The following PCDHA1 variants were observed in gnomAD, a reference collection of about 807,000 sequenced individuals.
PCDHA1 encodes the protein protocadherin alpha-1.
Under a neutral mutation model 61.3 loss-of-function variants are expected in PCDHA1, and 42 were observed. That is an observed-to-expected ratio of 0.69 (90% CI 0.54 to 0.89). The LOEUF (loss-of-function observed/expected upper bound fraction) is 0.89. Among genes scored for constraint, PCDHA1 ranks in the 40% least tolerant of loss-of-function variants. PCDHA1 has a pLI of 0.00. For synonymous variants in PCDHA1, 610 were observed against 553.8 expected, an observed-to-expected ratio of 1.10 and a Z score of -1.43; for missense variants, 1,256 against 1,235.3, an observed-to-expected ratio of 1.02 and a Z score of -0.25.
rs193096250 is a variant in PCDHA1 at position 140,998,611 on chromosome 5, C to A, written c.2543-11016C>A. Among the ~76,000 whole-genome samples, 28 of 151,482 alleles carry A rather than the reference C, an allele frequency of 1.8e-4. No individual in the cohort carries two copies. The East Asian group carries it at 5.2e-3, about 28-fold the overall frequency. ...CAGAGTTTTGCTCTTGTTGCCCAGG[C>A]TGGAGTGCAATGGCACAATCTCAGC... On this transcript the variant is annotated intron_variant, in intron 3 of 3. Transcript: ENST00000504120.
At chr5:140,896,871 TTTATGGG>T (rs1349052738) in intron 1 of PCDHA1, among the ~76,000 whole-genome samples, 1 of 152,200 alleles carries the variant, frequency 6.6e-6, no homozygotes, top group Non-Finnish European at 1.5e-5. Flanking sequence ...AGTGTACATA[TTTATGGG>T]GTATATGAGA....
chr5:140,796,034 T>A (rs1421469626), intron 1 of PCDHA1: 2 of 1,614,206 alleles, frequency 1.2e-6, no homozygotes, highest in Admixed American at 3.3e-5. Flanking sequence ...TCTCTCTCAC[T>A]TCCCATCTCA....
rs1554121948 is a variant in PCDHA1 at position 140,802,203 on chromosome 5, G to A, written c.2394+13519G>A. 2 of 1,614,220 alleles carry A rather than the reference G, an allele frequency of 1.2e-6. No individual in the cohort carries two copies. Among genetic ancestry groups the A allele is most frequent in the Admixed American group, 3.3e-5 (2 of 60,030 alleles). On this transcript the variant is annotated intron_variant, in intron 1 of 3. Transcript: ENST00000504120. ...TCCCCCAATGTCAGATCACTGCACAGTTCTACTCGAAATTGTGGACATCAA... is the reference window on the plus strand; with the variant it reads ...TCCCCCAATGTCAGATCACTGCACAATTCTACTCGAAATTGTGGACATCAA...
intron 1 of PCDHA1, chr5:140,795,519 T>C (rs1374053518): frequency 3.7e-6 from 6 of 1,614,144 alleles, no homozygotes; most frequent in Non-Finnish European, 5.1e-6. Flanking sequence ...TACAGGCAAA[T>C]GATGAACTAA....
chr5:140,863,653 T>C (rs2048107718), intron 1 of PCDHA1: 1 of 297,060 alleles, frequency 3.4e-6, no homozygotes, highest in Admixed American at 4.5e-5. Flanking sequence ...ATTAATTTGA[T>C]TGCTTTATTT....
intron 1 of PCDHA1, chr5:140,830,082 C>G: frequency 6.2e-7 from 1 of 1,613,566 alleles, no homozygotes; most frequent in Non-Finnish European, 8.5e-7. Context: ...GCGACGGCCA[C>G]GGTTCTGGTG....
chr5:140,969,198 C>T lies in PCDHA1; in HGVS notation c.2395-9751C>T, dbSNP rs2096305688. ...AGTGACACTTTCATGTTTTACAATA[C>T]AGGGGCCCAGACAGGACCAGGGCCT... On this transcript the variant is annotated intron_variant, in intron 1 of 3. Coordinates refer to ENST00000504120, the MANE Select transcript of PCDHA1 (RefSeq NM_018900.4). 1 of 1,614,166 alleles carries T rather than the reference C, an allele frequency of 6.2e-7. No individual in the cohort carries two copies. Among genetic ancestry groups the T allele is most frequent in the Non-Finnish European group, 8.5e-7 (1 of 1,180,032 alleles).
chr5:140,985,111 G>A (rs1252708098), intron 3 of PCDHA1, among the ~76,000 whole-genome samples: 2 of 151,892 alleles, frequency 1.3e-5, no homozygotes, highest in African/African-American at 2.4e-5. Context: ...CTAATTTTTT[G>A]TGTTTTTAGT....
At position 140,876,499 on chromosome 5, in the gene PCDHA1, G is replaced by A. The variant is rs781995151; in HGVS notation, c.2394+87815G>A. ...CATGGTCCTGGTGGAAGTTCTGGAC[G>A]TGAATGACAATGTCCCTGAAGTAAT... On this transcript the variant is annotated intron_variant, in intron 1 of 3. Transcript: ENST00000504120. 5.0e-6 allele frequency: 8 copies of A among 1,613,910 alleles called. No homozygotes were observed. The Admixed American group carries it at 1.0e-4, about 20-fold the overall frequency.
intron 1 of PCDHA1, chr5:140,852,931 T>C: frequency 1.6e-6 from 1 of 623,668 alleles, no homozygotes; most frequent in Non-Finnish European, 2.1e-6. Context: ...CAGGCTGGAG[T>C]GCAGTGGTGC....
chr5:140,808,462 G>T, intron 1 of PCDHA1: 1 of 1,614,200 alleles, frequency 6.2e-7, no homozygotes, highest in Non-Finnish European at 8.5e-7. Flanking sequence ...AGCTGGTGGT[G>T]ACCGCGCGAG....
At chr5:140,877,443 C>A (rs376417721) in intron 1 of PCDHA1, 2 of 1,613,726 alleles carry the variant, frequency 1.2e-6, no homozygotes, top group African/African-American at 2.7e-5. Flanking sequence ...ACGGTGAGCC[C>A]GCGCTGACGT....
chr5:141,009,868 G>C lies in PCDHA1; in HGVS notation c.2784G>C (p.Lys928Asn). 1 of 1,614,022 alleles carries C rather than the reference G, an allele frequency of 6.2e-7. No individual in the cohort carries two copies. Among genetic ancestry groups the C allele is most frequent in the Non-Finnish European group, 8.5e-7 (1 of 1,180,004 alleles). Residue 928 changes from lysine (K) to asparagine (N), a missense_variant, in exon 4 of 4, where the codon AAG becomes AAC. Transcript: ENST00000504120. ...AGGAGACCAAGAAAAAGAAGAAAAA[G>C]AAGAAGGGTAACAAGACCCAGGAGA... ...KKEETKKKKKKKKGNKTQEKK... is the reference protein window; with the variant it reads ...KKEETKKKKKNKKGNKTQEKK...
intron 1 of PCDHA1, chr5:140,882,210 CAGTTTG>C (rs1332497676): frequency 6.5e-7 from 1 of 1,533,604 alleles, no homozygotes; most frequent in African/African-American, 1.4e-5. Flanking sequence ...CCTTGAGAGA[CAGTTTG>C]AGGTAAGGCG....
chr5:140,958,089 C>A (rs2095409002), intron 1 of PCDHA1, among the ~76,000 whole-genome samples: 1 of 151,872 alleles, frequency 6.6e-6, no homozygotes, highest in African/African-American at 2.4e-5. Context: ...TAAAGTTGTA[C>A]AATAGTGTGT....
intron 1 of PCDHA1, among the ~76,000 whole-genome samples, chr5:140,846,624 T>G (rs1554141412): frequency 6.7e-6 from 1 of 149,082 alleles, no homozygotes; most frequent in Non-Finnish European, 1.5e-5. Flanking sequence ...TCCGCCCACT[T>G]CGGCCTCCTA....
chr5:140,928,572 C>T, intron 1 of PCDHA1: 1 of 1,614,200 alleles, frequency 6.2e-7, no homozygotes, highest in Non-Finnish European at 8.5e-7. Flanking sequence ...TTCCCTTGCC[C>T]AGAAATGGTT....
chr5:140,835,159 C>A, intron 1 of PCDHA1: 1 of 1,456,016 alleles, frequency 6.9e-7, no homozygotes, highest in Non-Finnish European at 9.3e-7. Flanking sequence ...TCTATCGGAA[C>A]GCTGGTGATT....
At chr5:140,872,131 A>G (rs2053496652) in intron 1 of PCDHA1, among the ~76,000 whole-genome samples, 1 of 152,148 alleles carries the variant, frequency 6.6e-6, no homozygotes, top group African/African-American at 2.4e-5. Context: ...TATCAAAGCT[A>G]GAATACTCCA....
Sources: allele counts gnomAD v4.1 joint callset (sites outside exome capture counted in the v4.1 genomes callset), GRCh38; gene constraint gnomAD v4.1.1; transcripts MANE v1.5; gene names NCBI Gene and HGNC (gene_info 2026-07-23, HGNC 2026-07-21).